Variants in ASH1L observed in about 807,000 individuals in gnomAD.
ASH1L encodes ASH1 like histone lysine methyltransferase, also known as histone-lysine N-methyltransferase ASH1L.
In ASH1L, 23 loss-of-function variants were observed where a neutral mutation model predicts 269.0. The observed-to-expected ratio is 0.09, with a 90% CI of 0.06 to 0.12. The LOEUF is 0.12. Ranked by LOEUF, ASH1L falls within the 10% of genes least tolerant of loss-of-function variation. The pLI is 1.00. For synonymous variants in ASH1L, 1,187 were observed against 1,253.5 expected (o/e 0.95, Z 1.12); for missense variants, 2,912 against 3,567.8 (o/e 0.82, Z 4.68).
intron 1 of ASH1L, among the ~76,000 whole-genome samples, chr1:155,536,836 A>C (rs1232525966): frequency 6.6e-6 from 1 of 152,034 alleles, no homozygotes; most frequent in Non-Finnish European, 1.5e-5. Context: ...AGGTCAGGAG[A>C]TCGAGACCAT....
intron 21 of ASH1L, chr1:155,346,160 T>C: frequency 6.9e-7 from 1 of 1,440,390 alleles, no homozygotes; most frequent in East Asian, 3.1e-5. Context: ...TATAGTGCCA[T>C]TCCTTCCACA....
chr1:155,438,371 CT>C lies in ASH1L; in HGVS notation c.5783del (p.Lys1928SerfsTer81). On this transcript the variant is annotated frameshift_variant, in exon 5 of 28. Coordinates refer to ENST00000392403, the MANE Select transcript of ASH1L (RefSeq NM_018489.3). LOFTEE classifies it high-confidence loss of function. Reference sequence around the variant, plus strand: ...CTTCTTCCTCTGGTAATGGCTTCTGCTTTTTTCTGGTCTGTTCTTCCAATAG... The same window carrying C: ...CTTCTTCCTCTGGTAATGGCTTCTGCTTTTTCTGGTCTGTTCTTCCAATAG... ...GWLLEEQTRK[K>X]QKPLPEEEEQ... 2 of 1,592,554 alleles carry C rather than the reference CT, an allele frequency of 1.3e-6. No homozygotes were observed. The highest frequency in any genetic ancestry group is 8.5e-7 in the Non-Finnish European group (1 of 1,172,988).
chr1:155,531,813 A>G (rs1669694866), intron 1 of ASH1L, among the ~76,000 whole-genome samples: 1 of 152,200 alleles, frequency 6.6e-6, no homozygotes, highest in African/African-American at 2.4e-5. Flanking sequence ...GTTTCTAGTC[A>G]AGATAAACCC....
chr1:155,532,327 AATTAT>A (rs1669723104), intron 1 of ASH1L, among the ~76,000 whole-genome samples: 1 of 152,220 alleles, frequency 6.6e-6, no homozygotes, highest in African/African-American at 2.4e-5. Flanking sequence ...GGAAATTACT[AATTAT>A]ATTAATAGGA....
At chr1:155,469,496 G>A (rs1445181250) in intron 3 of ASH1L, among the ~76,000 whole-genome samples, 1 of 152,008 alleles carries the variant, frequency 6.6e-6, no homozygotes, top group Non-Finnish European at 1.5e-5. Context: ...TGACACTCTT[G>A]ACTATAATAA....
In ASH1L at chr1:155,479,551, T is replaced by C. The variant is rs140137038; in HGVS notation, c.3319A>G (p.Ile1107Val). 3.4e-4 allele frequency: 542 copies of C among 1,614,032 alleles called. 1 individual carries two copies. The African/African-American group carries it at 4.3e-3, about 13-fold the overall frequency. The change falls in exon 3 of 28, where the codon ATT becomes GTT. Residue 1107 changes from isoleucine (I) to valine (V), a missense_variant. By Grantham distance (29) the Ile-to-Val change is conservative. Transcript: ENST00000392403. Reference sequence around the variant, plus strand: ...CTAGTCCCAGAAGACTGAGAGCAAATAGGTGATGGAAGAATCTCAGAACTA... The same window carrying C: ...CTAGTCCCAGAAGACTGAGAGCAAACAGGTGATGGAAGAATCTCAGAACTA... ...ASSSEILPSPICSQSSGTSGG... is the reference protein window; with the variant it reads ...ASSSEILPSPVCSQSSGTSGG...
At chr1:155,416,365 T>C (rs1660205821) in intron 5 of ASH1L, among the ~76,000 whole-genome samples, 1 of 152,144 alleles carries the variant, frequency 6.6e-6, no homozygotes, top group Non-Finnish European at 1.5e-5. Context: ...GTAATCCACC[T>C]GCCTTGGCCT....
chr1:155,386,041 G>A (rs1657399808), intron 7 of ASH1L, among the ~76,000 whole-genome samples: 2 of 151,898 alleles, frequency 1.3e-5, no homozygotes, highest in Admixed American at 1.3e-4. Flanking sequence ...TATGTCTTTT[G>A]AGAAGTGTCT....
chr1:155,508,093 G>A (rs1398681378), intron 2 of ASH1L, among the ~76,000 whole-genome samples: 1 of 150,748 alleles, frequency 6.6e-6, no homozygotes, highest in Non-Finnish European at 1.5e-5. Context: ...ATGCTGGAAA[G>A]AAATGTACCA....
rs573449026 is a variant in ASH1L, at chr1:155,405,752, C to A, written c.6008+9992G>T. 3.0e-4 allele frequency among the ~76,000 whole-genome samples: 46 copies of A among 151,070 alleles called. No homozygotes were observed. The Middle Eastern group carries it at 0.014, about 45-fold the overall frequency. On this transcript the variant is annotated intron_variant, in intron 6 of 27. Coordinates refer to ENST00000392403, the MANE Select transcript of ASH1L (RefSeq NM_018489.3). ...GGCTGAGGCAGGAGAATCACCTGAA[C>A]CTGGGAGGTGGAGGTTGCAGTGAGC...
At chr1:155,349,678 C>A in intron 17 of ASH1L, 82 bp from the exon 18 acceptor site, 2 of 1,144,860 alleles carry the variant, frequency 1.7e-6, no homozygotes, top group South Asian at 1.4e-5. Flanking sequence ...AATAGAATCC[C>A]TCAAATTAAA....
rs12043233 is a variant in ASH1L at position 155,527,165 on chromosome 1, G to A, written c.-99-5547C>T. ...AGAGGTTGCAGTGAGCCAAGATGGT[G>A]CCACTGCACTCCAGCCTAGGTGACA... On this transcript the variant is annotated intron_variant, in intron 1 of 27. Coordinates refer to ENST00000392403, the MANE Select transcript of ASH1L (RefSeq NM_018489.3). 6.6e-5 allele frequency among the ~76,000 whole-genome samples: 10 copies of A among 151,896 alleles called. No homozygotes were observed. In the East Asian group the frequency reaches 1.7e-3, roughly 27 times the overall value.
intron 6 of ASH1L, among the ~76,000 whole-genome samples, chr1:155,413,344 G>C (rs931160427): frequency 2.0e-5 from 3 of 151,962 alleles, no homozygotes; most frequent in Non-Finnish European, 4.4e-5. Context: ...GGTGGCTCAC[G>C]CCTGTAATCC....
In ASH1L at chr1:155,344,267, G is replaced by A; in HGVS notation, c.7897C>T (p.Pro2633Ser). 1 of 1,613,924 alleles carries A rather than the reference G, an allele frequency of 6.2e-7. No individual in the cohort carries two copies. The highest frequency in any genetic ancestry group is 8.5e-7 in the Non-Finnish European group (1 of 1,179,824). The change falls in exon 22 of 28, where the codon CCC becomes TCC. Residue 2633 changes from proline to serine, a missense_variant. By Grantham distance (74) the Pro-to-Ser change is moderately conservative (BLOSUM62 -1). Coordinates refer to ENST00000392403, the MANE Select transcript of ASH1L (RefSeq NM_018489.3). Reference sequence around the variant, plus strand: ...GCATAGTGGGGCCGAGGGATCATGGGAACCTCCTGATAGGAGCAGAAAGCC... The same window carrying A: ...GCATAGTGGGGCCGAGGGATCATGGAAACCTCCTGATAGGAGCAGAAAGCC... The part of the protein sequence containing the change: ...CDPRPVDREV[P>S]MIPRPHYAQP...
chr1:155,352,658 GA>G, intron 17 of ASH1L, 47 bp downstream of exon 17: 1 of 1,497,210 alleles, frequency 6.7e-7, no homozygotes. Flanking sequence ...AAAAAAAAAA[GA>G]AAAAGAAAAA....
chr1:155,406,993 C>T (rs899645687), intron 6 of ASH1L, among the ~76,000 whole-genome samples: 1 of 152,034 alleles, frequency 6.6e-6, no homozygotes, highest in Non-Finnish European at 1.5e-5. Flanking sequence ...AGATGCTTGA[C>T]AGTATTACTT....
In ASH1L at chr1:155,342,920, C is replaced by T. The variant is rs116825760; in HGVS notation, c.8293+394G>A. ...AGTAGAGCTCTCTGAAGTTTCATAG[C>T]TAGCCTTGGAGAATCTTTCATCATA... is the stretch of plus-strand genomic sequence containing the variant. On this transcript the variant is annotated intron_variant, in intron 24 of 27. Transcript: ENST00000392403. The T allele has an allele frequency of 5.9e-3, 936 of 158,418 alleles. 10 individuals are homozygous for T. Among genetic ancestry groups the T allele is most frequent in the African/African-American group, 0.022 (911 of 41,652 alleles). 9.8% of individuals were successfully genotyped at this position (158,418 alleles called of 1,614,324 possible). A position where few individuals can be genotyped will look rare whatever the true frequency, so the allele number is the denominator to read the frequency against.
rs992047735 is a variant in ASH1L, at chr1:155,477,712, T to C, written c.4984+174A>G. The stretch of plus-strand genomic sequence containing the variant: ...CTCTTCTCAAAACAAAAAAATAATA[T>C]AGACATTCCCTACTTCTTAAATCTT... On this transcript the variant is annotated intron_variant, in intron 3 of 27. Transcript: ENST00000392403. Among the ~76,000 whole-genome samples, 5 of 152,160 alleles carry C rather than the reference T, an allele frequency of 3.3e-5. No homozygotes were observed. The East Asian group carries it at 5.8e-4, about 18-fold the overall frequency.
At chr1:155,525,455 T>C (rs909736652) in intron 1 of ASH1L, among the ~76,000 whole-genome samples, 1 of 151,230 alleles carries the variant, frequency 6.6e-6, no homozygotes, top group Non-Finnish European at 1.5e-5. Context: ...GCAGAAGTAT[T>C]AATGGGCTTG....
Sources: gnomAD v4.1 joint callset for allele counts (sites outside exome capture counted in the v4.1 genomes callset) on GRCh38, gnomAD v4.1.1 for gene constraint, MANE v1.5 for transcripts, NCBI Gene and HGNC (gene_info 2026-07-23, HGNC 2026-07-21) for gene names.